DHTKD1: variants seen among roughly 807,000 people sequenced by gnomAD.
The protein encoded by DHTKD1 is dehydrogenase E1 and transketolase domain containing 1.
Under a neutral mutation model 101.8 loss-of-function variants are expected in DHTKD1, and 78 were observed. The observed-to-expected ratio is 0.77, with a 90% CI of 0.64 to 0.93. DHTKD1 has a LOEUF of 0.93. Among genes scored for constraint, DHTKD1 ranks in the 40% least tolerant of loss-of-function variants. The pLI is 0.00. For missense variants in DHTKD1, 1,223 were observed against 1,161.7 expected, an observed-to-expected ratio of 1.05 and a Z score of -0.77; for synonymous variants, 462 against 450.3, an observed-to-expected ratio of 1.03 and a Z score of -0.33.
intron 10 of DHTKD1, among the ~76,000 whole-genome samples, chr10:12,104,200 A>C (rs1480052334): frequency 6.6e-6 from 1 of 151,896 alleles, no homozygotes; most frequent in Non-Finnish European, 1.5e-5. Flanking sequence ...TTTTTTTGAG[A>C]CCAAGTCTTG....
rs191882623 is a variant in DHTKD1 at position 12,087,943 on chromosome 10, C to T, written c.717+214C>T. Among the ~76,000 whole-genome samples the T allele has an allele frequency of 2.0e-5, 3 of 151,718 alleles. No individual in the cohort carries two copies. The highest frequency in any genetic ancestry group is 1.3e-4 in the Admixed American group (2 of 15,164). On this transcript the variant is annotated intron_variant, in intron 4 of 16. Coordinates refer to ENST00000263035, the MANE Select transcript of DHTKD1 (RefSeq NM_018706.7). The surrounding 1 kb of genome is among the most constrained non-coding windows in gnomAD (Gnocchi z 5.2). ...CCTGTGGAACAAAGTGAGACTTTGT[C>T]TCTACCAAAAATAAAATAAGTTAGC...
In DHTKD1 at chr10:12,100,187, GAGA is replaced by G. The variant is rs781195837; in HGVS notation, c.1685_1687del (p.Lys562del). 1 of 1,587,284 alleles carries G rather than the reference GAGA, an allele frequency of 6.3e-7. No individual in the cohort carries two copies. The highest frequency in any genetic ancestry group is 1.4e-5 in the African/African-American group (1 of 73,544). The stretch of plus-strand genomic sequence containing the variant: ...CCTCTGAATTTTACAGTCCAGAATG[GAGA>G]AGATGATGGACGGAATCAAGCTAGA... On this transcript the variant is annotated inframe_deletion, in exon 9 of 17. Coordinates refer to ENST00000263035, the MANE Select transcript of DHTKD1 (RefSeq NM_018706.7).
chr10:12,077,195 T>C (rs1325081104), intron 1 of DHTKD1, among the ~76,000 whole-genome samples: 2 of 150,944 alleles, frequency 1.3e-5, no homozygotes, highest in Non-Finnish European at 3.0e-5. Context: ...TGTAGGTGCA[T>C]GCTTTATATG....
chr10:12,077,313 T>C (rs1249801975), intron 1 of DHTKD1, among the ~76,000 whole-genome samples: 2 of 151,834 alleles, frequency 1.3e-5, no homozygotes, highest in Non-Finnish European at 2.9e-5. Flanking sequence ...CTGCAACCTC[T>C]GCCTCCTGGG....
At chr10:12,089,569 A>G (rs1832956325) in intron 5 of DHTKD1, among the ~76,000 whole-genome samples, 1 of 152,058 alleles carries the variant, frequency 6.6e-6, no homozygotes, top group South Asian at 2.1e-4. Context: ...GCCTTCTTGG[A>G]AACTTTGTGG....
chr10:12,087,518 G>A lies in DHTKD1; in HGVS notation c.523-17G>A, dbSNP rs752505107. 2.2e-5 allele frequency: 34 copies of A among 1,575,758 alleles called. No individual in the cohort carries two copies. In the South Asian group the frequency reaches 3.8e-4, roughly 18 times the overall value. The stretch of plus-strand genomic sequence containing the variant: ...GGCTGTCTCCTGGCAGCTCACGTCT[G>A]ACATGATGTTCTGCAGGAGTTTGAC... On this transcript the variant is annotated splice_polypyrimidine_tract_variant and intron_variant, in intron 3 of 16. Coordinates refer to ENST00000263035, the MANE Select transcript of DHTKD1 (RefSeq NM_018706.7). This position sits in a 1 kb window ranked among gnomAD's most constrained non-coding sequence, Gnocchi z 5.2.
Position 12,094,111 on chromosome 10 carries a change from G to T in DHTKD1, c.1198G>T (p.Asp400Tyr). ...VGCAIIHVNG[D>Y]SPEEVVRATR... ...CTGTGCCATCATCCATGTCAATGGA[G>T]ACAGCCCAGAGGAAGTGGTCCGTGC... is the stretch of plus-strand genomic sequence containing the variant. Residue 400 changes from aspartate to tyrosine, a missense_variant, in exon 7 of 17, where the codon GAC (aspartate) becomes TAC (tyrosine). Asp to Tyr is a radical substitution (Grantham distance 160). Transcript: ENST00000263035. 1 of 1,614,134 alleles carries T rather than the reference G, an allele frequency of 6.2e-7. No homozygotes were observed.
At chr10:12,081,974 A>T (rs77576584) in intron 2 of DHTKD1, among the ~76,000 whole-genome samples, 88 of 151,452 alleles carry the variant, frequency 5.8e-4, no homozygotes, top group African/African-American at 1.6e-3. Context: ...AAAAAAAAAA[A>T]AAAATAACTG....
At chr10:12,084,364 ATC>A (rs1365485062) in intron 2 of DHTKD1, among the ~76,000 whole-genome samples, 174 bp from the exon 3 acceptor site, 9 of 151,860 alleles carry the variant, frequency 5.9e-5, no homozygotes, top group Admixed American at 5.3e-4. Flanking sequence ...GGAAACAATA[ATC>A]TCTGGTAAAA....
intron 1 of DHTKD1, among the ~76,000 whole-genome samples, chr10:12,074,654 C>T (rs565186791): frequency 2.1e-4 from 5 of 23,686 alleles, no homozygotes; most frequent in Non-Finnish European, 4.0e-4. Context: ...TACCGCGGGT[C>T]TTGCTATGTT....
chr10:12,121,077 G>C lies in DHTKD1; in HGVS notation c.*189G>C. 1 of 452,440 alleles carries C rather than the reference G, an allele frequency of 2.2e-6. No homozygotes were observed. The highest frequency in any genetic ancestry group is 2.0e-5 in the South Asian group (1 of 50,644). 28.0% of individuals were successfully genotyped at this position (452,440 alleles called of 1,614,324 possible). ...TCTACTAAAAATACAAAAAATAGCCGGGTGTGGTGGTGGGCACCTGTGATC... is the reference window on the plus strand; with the variant it reads ...TCTACTAAAAATACAAAAAATAGCCCGGTGTGGTGGTGGGCACCTGTGATC... On this transcript the variant is annotated 3_prime_UTR_variant, in exon 17 of 17. Transcript: ENST00000263035.
In DHTKD1 at chr10:12,107,972, C is replaced by T. The variant is rs1833275628; in HGVS notation, c.2111C>T (p.Ala704Val). The T allele has an allele frequency of 1.2e-6, 2 of 1,613,634 alleles. No individual in the cohort carries two copies. Among genetic ancestry groups the T allele is most frequent in the East Asian group, 2.2e-5 (1 of 44,890 alleles). Residue 704 changes from alanine (A) to valine (V), a missense_variant, in exon 12 of 17, where the codon GCT (alanine) becomes GTT (valine). Coordinates refer to ENST00000263035, the MANE Select transcript of DHTKD1 (RefSeq NM_018706.7). The surrounding 1 kb of genome is among the most constrained non-coding windows in gnomAD (Gnocchi z 4.1). ...VILLPHGYDG[A>V]GPDHSSCRIE... Reference sequence around the variant, plus strand: ...CTCCTTCCACATGGCTACGATGGGGCTGGGCCAGACCACTCATCCTGTCGA... The same window carrying T: ...CTCCTTCCACATGGCTACGATGGGGTTGGGCCAGACCACTCATCCTGTCGA...
intron 14 of DHTKD1, 38 bp from the exon 15 acceptor site, chr10:12,118,711 T>A: frequency 7.6e-6 from 11 of 1,438,286 alleles, no homozygotes; most frequent in Non-Finnish European, 1.0e-5. Context: ...CTTTAAAAAA[T>A]TTCTCCCCCA....
intron 4 of DHTKD1, among the ~76,000 whole-genome samples, chr10:12,088,157 A>G (rs1832932071): frequency 6.6e-6 from 1 of 151,730 alleles, no homozygotes; most frequent in Non-Finnish European, 1.5e-5. Context: ...GTGATCATTC[A>G]TTTTAGGAAG....
rs2131616447 is a variant in DHTKD1, at chr10:12,101,143, CT to C, written c.1859del (p.Leu620ArgfsTer12). The C allele has an allele frequency of 4.3e-6, 7 of 1,614,136 alleles. No homozygotes were observed. The highest frequency in any genetic ancestry group is 5.9e-6 in the Non-Finnish European group (7 of 1,180,016). On this transcript the variant is annotated frameshift_variant, in exon 10 of 17. Coordinates refer to ENST00000263035, the MANE Select transcript of DHTKD1 (RefSeq NM_018706.7). LOFTEE classifies it high-confidence loss of function. ...CQETDDTYIP[L>X]NHMDPNQKGF... ...GGAGACGGATGACACCTACATCCCC[CT>C]GAACCATATGGACCCAAATCAGAAG...
At chr10:12,076,393 T>C (rs1832731749) in intron 1 of DHTKD1, among the ~76,000 whole-genome samples, 1 of 151,970 alleles carries the variant, frequency 6.6e-6, no homozygotes, top group Non-Finnish European at 1.5e-5. Context: ...GGAGAATCGC[T>C]TGAACCCAGG....
chr10:12,069,275 G>A (rs1832613689), intron 1 of DHTKD1, 88 bp downstream of exon 1: 11 of 735,936 alleles, frequency 1.5e-5, no homozygotes, highest in Non-Finnish European at 2.1e-5. Flanking sequence ...CGGGGTCGGG[G>A]AACCGGCTGC....
At chr10:12,084,123 A>G (rs1832864929) in intron 2 of DHTKD1, among the ~76,000 whole-genome samples, 1 of 151,988 alleles carries the variant, frequency 6.6e-6, no homozygotes, top group African/African-American at 2.4e-5. Flanking sequence ...GAGTTTTACC[A>G]TATTGGTCAG....
At chr10:12,095,638 C>T (rs1431752094) in intron 7 of DHTKD1, among the ~76,000 whole-genome samples, 2 of 151,382 alleles carry the variant, frequency 1.3e-5, no homozygotes, top group East Asian at 3.9e-4. Context: ...ACGGTGAAAC[C>T]GCGTCTCTAC....
Sources: gnomAD v4.1 joint callset for allele counts (sites outside exome capture counted in the v4.1 genomes callset) on GRCh38, gnomAD v4.1.1 for gene constraint, Gnocchi (gnomAD v3.1) non-coding constraint, MANE v1.5 for transcripts, NCBI Gene and HGNC (gene_info 2026-07-23, HGNC 2026-07-21) for gene names.